Variants in GULP1 observed in about 807,000 individuals in gnomAD.
GULP1 encodes the protein PTB domain-containing engulfment adapter protein 1.
A neutral mutation model predicts 40.9 loss-of-function variants in GULP1; 19 were observed. The observed-to-expected ratio is 0.46, with a 90% confidence interval of 0.32 to 0.68. GULP1 has a LOEUF of 0.68. Ranked by LOEUF, GULP1 falls within the 30% of genes least tolerant of loss-of-function variation. The pLI is 0.03. For synonymous variants in GULP1, 119 were observed against 117.6 expected, an observed-to-expected ratio of 1.01 and a Z score of -0.08; for missense variants, 312 against 362.2, an observed-to-expected ratio of 0.86 and a Z score of 1.12.
rs2058752866 is a variant in GULP1 at position 188,450,514 on chromosome 2, T to C, written c.-44-27145T>C. 2.6e-5 allele frequency among the ~76,000 whole-genome samples: 4 copies of C among 152,096 alleles called. No homozygotes were observed. In the South Asian group the frequency reaches 8.3e-4, roughly 32 times the overall value. On this transcript the variant is annotated intron_variant, in intron 2 of 11. Coordinates refer to ENST00000409830, the MANE Select transcript of GULP1 (RefSeq NM_016315.4). ...GACTTCTTCAGTATTAAAAAAGTAG[T>C]GTTTTTCTAATCACTATATAGATAT...
At chr2:188,395,274 A>G (rs2051085034) in intron 2 of GULP1, among the ~76,000 whole-genome samples, 1 of 152,234 alleles carries the variant, frequency 6.6e-6, no homozygotes, top group Non-Finnish European at 1.5e-5. Context: ...GACCAGCACA[A>G]GTTTTCATCT....
At chr2:188,484,303 C>T (rs554890498) in intron 4 of GULP1, among the ~76,000 whole-genome samples, 64 of 152,230 alleles carry the variant, frequency 4.2e-4, no homozygotes, top group Non-Finnish European at 2.2e-4. Context: ...CATTAATCTA[C>T]GCTCTGTGTC....
intron 2 of GULP1, among the ~76,000 whole-genome samples, chr2:188,386,075 T>G (rs1024393007): frequency 5.9e-5 from 9 of 152,144 alleles, no homozygotes; most frequent in Non-Finnish European, 1.0e-4. Flanking sequence ...ACTGTATGAG[T>G]CTGTTTTCAC....
chr2:188,406,424 A>T (rs2053112271), intron 2 of GULP1, among the ~76,000 whole-genome samples: 2 of 152,220 alleles, frequency 1.3e-5, no homozygotes, highest in Admixed American at 1.3e-4. Flanking sequence ...TAATTGTTTT[A>T]GGAAAGCTCA....
rs2050915341 is a variant in GULP1, at chr2:188,394,214, C to T, written c.-45+10325C>T. Among the ~76,000 whole-genome samples, 3 of 152,054 alleles carry T rather than the reference C, an allele frequency of 2.0e-5. No homozygotes were observed. In the South Asian group the frequency reaches 6.2e-4, roughly 32 times the overall value. On this transcript the variant is annotated intron_variant, in intron 2 of 11. Coordinates refer to ENST00000409830, the MANE Select transcript of GULP1 (RefSeq NM_016315.4). ...TCCCATATTTCTTACAGACATTATT[C>T]ATTTCTTCTGTTTATTTTTTCTTTA... is the stretch of plus-strand genomic sequence containing the variant.
chr2:188,485,652 T>A (rs1469270989), intron 4 of GULP1, among the ~76,000 whole-genome samples: 2 of 152,028 alleles, frequency 1.3e-5, no homozygotes, highest in South Asian at 4.2e-4. Flanking sequence ...TTGGTTTATA[T>A]CATGACTCCA....
chr2:188,351,010 G>A (rs1183287008), intron 1 of GULP1, among the ~76,000 whole-genome samples: 2 of 152,166 alleles, frequency 1.3e-5, no homozygotes, highest in East Asian at 1.9e-4. Flanking sequence ...GGATATTGGG[G>A]AAACTAATAT....
At chr2:188,474,656 G>A (rs1390127661) in intron 2 of GULP1, among the ~76,000 whole-genome samples, 1 of 152,128 alleles carries the variant, frequency 6.6e-6, no homozygotes, top group Non-Finnish European at 1.5e-5. Context: ...CTCTTTCAGT[G>A]ATACTGAGTT....
chr2:188,418,526 A>G (rs377673614), intron 2 of GULP1, among the ~76,000 whole-genome samples: 1 of 152,102 alleles, frequency 6.6e-6, no homozygotes, highest in East Asian at 1.9e-4. Flanking sequence ...CCAGCTACGC[A>G]GGAGGCTGAG....
chr2:188,455,165 A>G (rs981139147), intron 2 of GULP1, among the ~76,000 whole-genome samples: 24 of 152,156 alleles, frequency 1.6e-4, no homozygotes, highest in African/African-American at 4.3e-4. Flanking sequence ...AAATGTTCTT[A>G]GATATAAATA....
At chr2:188,592,520 C>T (rs1370538534) in intron 11 of GULP1, 1 of 151,892 alleles carries the variant, frequency 6.6e-6, no homozygotes, top group African/African-American at 2.4e-5. Flanking sequence ...GATAAGTAGT[C>T]TCATATTTAC....
At chr2:188,411,331 G>A (rs1041436708) in intron 2 of GULP1, among the ~76,000 whole-genome samples, 2 of 152,118 alleles carry the variant, frequency 1.3e-5, no homozygotes, top group Non-Finnish European at 2.9e-5. Flanking sequence ...GTGCCATATC[G>A]AAGGCTTAGT....
Position 188,569,264 on chromosome 2 carries a change from G to A in GULP1, c.425G>A (p.Gly142Asp), listed in dbSNP as rs1357922096. 6.3e-7 allele frequency: 1 copy of A among 1,583,688 alleles called. No individual in the cohort carries two copies. The highest frequency in any genetic ancestry group is 8.7e-7 in the Non-Finnish European group (1 of 1,152,554). The change falls in exon 8 of 12, where the codon GGC (glycine) becomes GAC (aspartate). Residue 142 changes from glycine to aspartate, a missense_variant. Gly to Asp is a moderately conservative substitution (Grantham distance 94). Transcript: ENST00000409830. ...KCAEEITLTI[G>D]QAFDLAYRKF... ...GCTGAAGAGATCACTTTAACAATTG[G>A]CCAAGCATTTGACCTGGCATACAGG...
rs369004912 is a variant in GULP1, at chr2:188,569,338, G to T, written c.499G>T (p.Ala167Ser). Residue 167 changes from alanine (A) to serine (S), a missense_variant, in exon 8 of 12, where the codon GCA becomes TCA. By Grantham distance (99) the Ala-to-Ser change is moderately conservative. Transcript: ENST00000409830. ...GKDVETRKQI[A>S]GLQKRIQDLE... ...AGATGTTGAAACAAGAAAACAGATC[G>T]CAGGGTTACAAAAAAGAGTGAGTAA... is the stretch of plus-strand genomic sequence containing the variant. The T allele has an allele frequency of 6.5e-7, 1 of 1,543,744 alleles. No homozygotes were observed. Among genetic ancestry groups the T allele is most frequent in the Non-Finnish European group, 9.0e-7 (1 of 1,116,376 alleles).
intron 6 of GULP1, among the ~76,000 whole-genome samples, chr2:188,532,108 G>A (rs1003443107): frequency 6.6e-6 from 1 of 152,100 alleles, no homozygotes; most frequent in Admixed American, 6.6e-5. Flanking sequence ...TATACTTTAT[G>A]TATCATTTTC....
At chr2:188,413,493 A>T (rs1302231732) in intron 2 of GULP1, among the ~76,000 whole-genome samples, 1 of 152,110 alleles carries the variant, frequency 6.6e-6, no homozygotes, top group Admixed American at 6.5e-5. Context: ...CCTTTTTTGA[A>T]AAGTGTCTGT....
At chr2:188,335,114 T>A (rs571221034) in intron 1 of GULP1, among the ~76,000 whole-genome samples, 1 of 152,266 alleles carries the variant, frequency 6.6e-6, no homozygotes, top group Non-Finnish European at 1.5e-5. Context: ...CACATGTGTA[T>A]ATTTTTGATA....
rs71723258 is a variant in GULP1 at position 188,378,278 on chromosome 2, G to GA, written c.-171-5469dup. Among the ~76,000 whole-genome samples, 237 of 95,510 alleles carry GA rather than the reference G, an allele frequency of 2.5e-3. 1 individual carries two copies. The highest frequency in any genetic ancestry group is 7.0e-3 in the South Asian group (22 of 3,154). The allele number at this position is 95,510 out of a possible 152,430, so 62.7% of individuals were successfully genotyped here. On this transcript the variant is annotated intron_variant, in intron 1 of 11. Coordinates refer to ENST00000409830, the MANE Select transcript of GULP1 (RefSeq NM_016315.4). The stretch of plus-strand genomic sequence containing the variant: ...CTACTCATCACAGTGTCTCTATATA[G>GA]AAAAAAAAAAAAAAAAGAAAAAATC...
chr2:188,473,456 T>G (rs1188620247), intron 2 of GULP1, among the ~76,000 whole-genome samples: 1 of 152,176 alleles, frequency 6.6e-6, no homozygotes, highest in East Asian at 1.9e-4. Context: ...CTTTCTGGTG[T>G]TCTATTGTAC....
Sources: gnomAD v4.1 joint callset for allele counts (sites outside exome capture counted in the v4.1 genomes callset) on GRCh38, gnomAD v4.1.1 for gene constraint, MANE v1.5 for transcripts, NCBI Gene and HGNC (gene_info 2026-07-23, HGNC 2026-07-21) for gene names.